Variants in CDH23 observed in about 807,000 individuals in gnomAD.
CDH23 encodes cadherin-23.
In CDH23, 189 loss-of-function variants were observed where a neutral mutation model predicts 317.1. The ratio of observed to expected loss-of-function variants is 0.60; its 90% CI spans 0.53 to 0.67. The LOEUF (loss-of-function observed/expected upper bound fraction) is 0.67, where lower values mean the gene tolerates loss of function less well. Among genes scored for constraint, CDH23 ranks in the 30% least tolerant of loss-of-function variants. CDH23 has a pLI of 0.00. For synonymous variants in CDH23, 1,839 were observed against 1,876.8 expected (o/e 0.98, Z 0.52); for missense variants, 4,401 against 4,592.4 (o/e 0.96, Z 1.20).
At chr10:71,736,536 T>A (rs1282548564) in intron 34 of CDH23, among the ~76,000 whole-genome samples, 1 of 152,116 alleles carries the variant, frequency 6.6e-6, no homozygotes, top group African/African-American at 2.4e-5. Context: ...GGGAGGGCAA[T>A]GTGGATTGTG....
At chr10:71,550,559 CAAAAAA>C (rs1222399834) in intron 6 of CDH23, among the ~76,000 whole-genome samples, 2 of 45,762 alleles carry the variant, frequency 4.4e-5, no homozygotes, top group Non-Finnish European at 4.1e-5. Flanking sequence ...GACCCTGTCT[CAAAAAA>C]AAAAAAAAAA....
intron 1 of CDH23, among the ~76,000 whole-genome samples, chr10:71,437,243 G>T (rs1849662123): frequency 6.6e-6 from 1 of 152,154 alleles, no homozygotes; most frequent in Admixed American, 6.5e-5. Context: ...CACACTCTGG[G>T]TTGTATTTAA....
intron 22 of CDH23, among the ~76,000 whole-genome samples, chr10:71,696,273 C>T (rs926833319): frequency 3.3e-5 from 5 of 152,222 alleles, no homozygotes; most frequent in Non-Finnish European, 7.3e-5. Flanking sequence ...CTTGTCCCCA[C>T]ATGAACATCC....
At chr10:71,771,771 G>A (rs1262522734) in intron 38 of CDH23, among the ~76,000 whole-genome samples, 1 of 152,218 alleles carries the variant, frequency 6.6e-6, no homozygotes, top group Non-Finnish European at 1.5e-5. Flanking sequence ...AAGCAATATA[G>A]GGGAAGGCGT....
intron 11 of CDH23, among the ~76,000 whole-genome samples, chr10:71,633,964 G>C (rs1187651025): frequency 6.6e-6 from 1 of 152,242 alleles, no homozygotes; most frequent in East Asian, 1.9e-4. Flanking sequence ...AGCAGCTGTA[G>C]CGGTGTCCCC....
At chr10:71,586,049 G>T (rs1017981679) in intron 9 of CDH23, among the ~76,000 whole-genome samples, 2 of 152,168 alleles carry the variant, frequency 1.3e-5, no homozygotes, top group African/African-American at 2.4e-5. Flanking sequence ...CACCCTCAAG[G>T]CCTCTCCCTT....
chr10:71,509,726 G>C (rs1853846470), intron 3 of CDH23, among the ~76,000 whole-genome samples: 1 of 152,218 alleles, frequency 6.6e-6, no homozygotes, highest in Non-Finnish European at 1.5e-5. Context: ...TGGAACATAA[G>C]ACTTGAAATA....
intron 3 of CDH23, among the ~76,000 whole-genome samples, chr10:71,458,070 G>A (rs1850785971): frequency 6.6e-6 from 1 of 152,194 alleles, no homozygotes; most frequent in Non-Finnish European, 1.5e-5. Flanking sequence ...TAATTTACAA[G>A]AGCTGAATAC....
intron 28 of CDH23, among the ~76,000 whole-genome samples, chr10:71,721,832 G>A (rs1001204472): frequency 2.6e-5 from 4 of 152,202 alleles, no homozygotes; most frequent in Non-Finnish European, 5.9e-5. Flanking sequence ...GCCCTCTGCT[G>A]TCCCTGCATG....
chr10:71,402,097 C>T (rs945958786), intron 1 of CDH23, among the ~76,000 whole-genome samples: 6 of 152,224 alleles, frequency 3.9e-5, no homozygotes, highest in Middle Eastern at 6.8e-3. Context: ...TGGGGTGGGC[C>T]GCTGCTGCCG....
intron 1 of CDH23, among the ~76,000 whole-genome samples, chr10:71,402,185 T>A (rs1320906008): frequency 2.0e-5 from 3 of 152,192 alleles, no homozygotes; most frequent in African/African-American, 7.2e-5. Flanking sequence ...AATGTTGGCA[T>A]AGCTCAATGT....
chr10:71,544,442 C>T (rs1327227679), intron 6 of CDH23, among the ~76,000 whole-genome samples: 2 of 152,178 alleles, frequency 1.3e-5, no homozygotes, highest in South Asian at 2.1e-4. Flanking sequence ...ACGAAGCTGG[C>T]GATGGGAGTA....
intron 14 of CDH23, 45 bp downstream of exon 14, chr10:71,646,662 G>T: frequency 1.2e-6 from 2 of 1,613,974 alleles, no homozygotes; most frequent in Non-Finnish European, 1.7e-6. Context: ...CTCCAGGGCC[G>T]ACTGTGGTGA....
chr10:71,702,303 G>A lies in CDH23; in HGVS notation c.2587+92G>A, dbSNP rs533191852. 2.2e-6 allele frequency: 3 copies of A among 1,389,450 alleles called. No homozygotes were observed. The African/African-American group carries it at 4.2e-5, about 20-fold the overall frequency. 86.1% of individuals were successfully genotyped at this position (1,389,450 alleles called of 1,614,324 possible). ...CTCTGGGGTACCTGGGGCCCACCCA[G>A]GAGGTCTATGTCTGATCACCAAGAG... On this transcript the variant is annotated intron_variant, in intron 23 of 69. Coordinates refer to ENST00000224721, the MANE Select transcript of CDH23 (RefSeq NM_022124.6).
intron 44 of CDH23, among the ~76,000 whole-genome samples, 173 bp from the exon 45 acceptor site, chr10:71,788,759 TTTTTCATG>T (rs1179207177): frequency 6.6e-6 from 1 of 152,202 alleles, no homozygotes; most frequent in Non-Finnish European, 1.5e-5. Context: ...CCGGCCACAT[TTTTTCATG>T]TTTGTTGCCC....
rs1865722939 is a variant in CDH23, at chr10:71,704,952, G to A, written c.2775G>A (p.Val925=). The change falls in exon 25 of 70, where the codon GTG becomes GTA. Residue 925 remains valine, a synonymous_variant. Transcript: ENST00000224721. ...IDLDEGLNGL[V]SYRMPVGMPR... ...TCGATGAGGGCCTGAACGGCCTGGT[G>A]TCCTACCGCATGCCGGTGGGCATGC... 1 of 1,612,826 alleles carries A rather than the reference G, an allele frequency of 6.2e-7. No homozygotes were observed. Among genetic ancestry groups the A allele is most frequent in the Non-Finnish European group, 8.5e-7 (1 of 1,179,862 alleles).
chr10:71,686,502 A>AG (rs1864902703), intron 18 of CDH23, among the ~76,000 whole-genome samples: 1 of 152,154 alleles, frequency 6.6e-6, no homozygotes, highest in East Asian at 1.9e-4. Flanking sequence ...TGATGTCCCA[A>AG]GGGGGGTGCA....
intron 22 of CDH23, among the ~76,000 whole-genome samples, chr10:71,697,466 T>C (rs10999958): frequency 0.62 from 93,743 of 151,966 alleles, 29,410 homozygotes; most frequent in Non-Finnish European, 0.7. Context: ...CCCAGGAGTT[T>C]GAGACCAGTA....
At chr10:71,750,933 C>A in intron 38 of CDH23, 1 of 293,836 alleles carries the variant, frequency 3.4e-6, no homozygotes, top group Non-Finnish European at 6.3e-6. Flanking sequence ...TGTCTCAGAA[C>A]GAGAGCTGCT....
Sources: allele counts gnomAD v4.1 joint callset (sites outside exome capture counted in the v4.1 genomes callset), GRCh38; gene constraint gnomAD v4.1.1; transcripts MANE v1.5; gene names NCBI Gene and HGNC (gene_info 2026-07-23, HGNC 2026-07-21).